The following GABRG3 variants were observed in gnomAD, a reference collection of about 807,000 sequenced individuals.
GABRG3 encodes gamma-aminobutyric acid type A receptor subunit gamma3, also known as gamma-aminobutyric acid receptor subunit gamma-3.
Under a neutral mutation model 48.8 loss-of-function variants are expected in GABRG3, and 25 were observed. The ratio of observed to expected loss-of-function variants is 0.51; its 90% CI spans 0.37 to 0.72. The LOEUF (loss-of-function observed/expected upper bound fraction) is 0.72, where lower values mean the gene tolerates loss of function less well. Among genes scored for constraint, GABRG3 ranks in the 30% least tolerant of loss-of-function variants. The pLI, the probability that GABRG3 is intolerant of heterozygous loss-of-function variation, is 0.00. For synonymous variants in GABRG3, 227 were observed against 217.6 expected (o/e 1.04, Z -0.38); for missense variants, 394 against 577.9 (o/e 0.68, Z 3.26).
At chr15:27,061,583 C>T (rs916840003) in intron 3 of GABRG3, among the ~76,000 whole-genome samples, 2 of 151,762 alleles carry the variant, frequency 1.3e-5, no homozygotes, top group Non-Finnish European at 2.9e-5. Flanking sequence ...GAGTGATGTT[C>T]CCGCATGCCA....
intron 2 of GABRG3, among the ~76,000 whole-genome samples, chr15:26,991,038 C>T (rs963159698): frequency 1.3e-5 from 2 of 152,006 alleles, no homozygotes; most frequent in South Asian, 4.1e-4. Flanking sequence ...CTCCTGACCT[C>T]GTGATCCACT....
chr15:27,080,271 G>A (rs1028576888), intron 3 of GABRG3, among the ~76,000 whole-genome samples: 6 of 150,830 alleles, frequency 4.0e-5, no homozygotes, highest in African/African-American at 1.5e-4. Context: ...ACAACATAGC[G>A]AGAACCTCTC....
At chr15:27,119,034 A>G (rs1174149411) in intron 3 of GABRG3, among the ~76,000 whole-genome samples, 1 of 152,126 alleles carries the variant, frequency 6.6e-6, no homozygotes, top group African/African-American at 2.4e-5. Context: ...ATAATTGTCT[A>G]ATCTTCCACT....
chr15:27,374,396 G>T (rs1895523041), intron 5 of GABRG3, among the ~76,000 whole-genome samples: 1 of 151,970 alleles, frequency 6.6e-6, no homozygotes, highest in Non-Finnish European at 1.5e-5. Context: ...CTTCTAAAGT[G>T]CTGGGATTAT....
At chr15:27,243,839 C>T (rs1890198698) in intron 3 of GABRG3, among the ~76,000 whole-genome samples, 1 of 152,126 alleles carries the variant, frequency 6.6e-6, no homozygotes, top group Admixed American at 6.5e-5. Flanking sequence ...CATGGTTTTT[C>T]CAGTAAATGG....
At chr15:27,099,164 A>G (rs1318225212) in intron 3 of GABRG3, among the ~76,000 whole-genome samples, 1 of 152,238 alleles carries the variant, frequency 6.6e-6, no homozygotes, top group Middle Eastern at 3.2e-3. Context: ...AGACAATTAC[A>G]TCTAAATAAT....
At chr15:27,312,599 G>T (rs1893033537) in intron 3 of GABRG3, among the ~76,000 whole-genome samples, 2 of 152,216 alleles carry the variant, frequency 1.3e-5, no homozygotes, top group South Asian at 4.1e-4. Context: ...GGAGTTTCCA[G>T]CAGAAACCTT....
At chr15:27,089,040 G>T (rs1257978943) in intron 3 of GABRG3, among the ~76,000 whole-genome samples, 1 of 152,150 alleles carries the variant, frequency 6.6e-6, no homozygotes. Context: ...TGAGCAGGGC[G>T]TCTGAGAGCA....
At chr15:27,239,043 C>T (rs1305410548) in intron 3 of GABRG3, among the ~76,000 whole-genome samples, 3 of 152,068 alleles carry the variant, frequency 2.0e-5, no homozygotes, top group South Asian at 2.1e-4. Flanking sequence ...AATGGGAATA[C>T]GCTTGCCATA....
At chr15:27,525,966 T>TAAAAC (rs1386544784) in intron 7 of GABRG3, among the ~76,000 whole-genome samples, 1 of 151,742 alleles carries the variant, frequency 6.6e-6, no homozygotes, top group Non-Finnish European at 1.5e-5. Flanking sequence ...GTAAATAAAA[T>TAAAAC]AATTTTTTTC....
intron 5 of GABRG3, among the ~76,000 whole-genome samples, chr15:27,338,703 A>G (rs148725835): frequency 1.3e-5 from 2 of 152,294 alleles, no homozygotes; most frequent in African/African-American, 4.8e-5. Flanking sequence ...ACTGGACAGG[A>G]CAACTACATT....
intron 2 of GABRG3, among the ~76,000 whole-genome samples, chr15:26,992,080 A>G (rs1595459548): frequency 6.6e-6 from 1 of 152,318 alleles, no homozygotes; most frequent in East Asian, 1.9e-4. Flanking sequence ...TTTGTATGTC[A>G]AACTGTATCC....
chr15:27,519,745 C>T (rs73371552), intron 6 of GABRG3, among the ~76,000 whole-genome samples: 11,482 of 152,116 alleles, frequency 0.075, 1,461 homozygotes, highest in African/African-American at 0.26. Context: ...TGAATATGTT[C>T]GTTTTGTGCC....
chr15:27,359,829 T>C (rs756728006), intron 5 of GABRG3, among the ~76,000 whole-genome samples: 59 of 152,246 alleles, frequency 3.9e-4, no homozygotes, highest in Admixed American at 6.5e-4. Flanking sequence ...AGAGAAGTCA[T>C]GCCAAGTTTA....
chr15:27,354,451 G>T (rs1334235769), intron 5 of GABRG3, among the ~76,000 whole-genome samples: 1 of 152,152 alleles, frequency 6.6e-6, no homozygotes, highest in Non-Finnish European at 1.5e-5. Context: ...ACATGGCTAT[G>T]GAACTGCAAG....
chr15:27,201,367 TGTGTGA>T (rs1454546749), intron 3 of GABRG3, among the ~76,000 whole-genome samples: 1 of 148,794 alleles, frequency 6.7e-6, no homozygotes, highest in African/African-American at 2.5e-5. Context: ...TGTGTGTGTG[TGTGTGA>T]GAGAGAAAGA....
chr15:27,326,774 A>C (rs753444337), intron 3 of GABRG3, 35 bp from the exon 4 acceptor site: 4 of 1,497,380 alleles, frequency 2.7e-6, no homozygotes, highest in Non-Finnish European at 3.7e-6. Context: ...ATTTATTAAT[A>C]GAACTGTCTT....
At chr15:27,502,555 C>T (rs1890666744) in intron 6 of GABRG3, among the ~76,000 whole-genome samples, 1 of 152,178 alleles carries the variant, frequency 6.6e-6, no homozygotes, top group Non-Finnish European at 1.5e-5. Context: ...AATTCTAACA[C>T]TCTCCACCTG....
At chr15:27,297,280 T>G (rs1318457566) in intron 3 of GABRG3, among the ~76,000 whole-genome samples, 2 of 152,114 alleles carry the variant, frequency 1.3e-5, no homozygotes, top group Non-Finnish European at 2.9e-5. Flanking sequence ...TAAAAATATA[T>G]TTTATACATT....
Sources: gnomAD v4.1 joint callset for allele counts (sites outside exome capture counted in the v4.1 genomes callset) on GRCh38, gnomAD v4.1.1 for gene constraint, MANE v1.5 for transcripts, NCBI Gene and HGNC (gene_info 2026-07-23, HGNC 2026-07-21) for gene names.